THEMIS: variants seen among roughly 807,000 people sequenced by gnomAD.
THEMIS encodes protein THEMIS.
In THEMIS, 37 loss-of-function variants were observed where a neutral mutation model predicts 52.6. The ratio of observed to expected loss-of-function variants is 0.70; its 90% confidence interval spans 0.54 to 0.93. The LOEUF is 0.93. Among genes scored for constraint, THEMIS ranks in the 40% least tolerant of loss-of-function variants. The pLI is 0.00. For missense variants in THEMIS, 808 were observed against 763.1 expected (o/e 1.06, Z -0.69); for synonymous variants, 292 against 272.7 (o/e 1.07, Z -0.70).
chr6:127,738,227 T>A (rs1248774770), intron 4 of THEMIS, among the ~76,000 whole-genome samples: 1 of 152,134 alleles, frequency 6.6e-6, no homozygotes, highest in African/African-American at 2.4e-5. Context: ...AGTAAAAAAA[T>A]ACTCATTACC....
intron 2 of THEMIS, among the ~76,000 whole-genome samples, chr6:127,831,631 G>A (rs1778700067): frequency 6.6e-6 from 1 of 151,994 alleles, no homozygotes; most frequent in South Asian, 2.1e-4. Flanking sequence ...TATTTTTGAA[G>A]TCATTTTTAC....
At chr6:127,810,274 T>A (rs1331827669) in intron 4 of THEMIS, among the ~76,000 whole-genome samples, 1 of 152,120 alleles carries the variant, frequency 6.6e-6, no homozygotes, top group Non-Finnish European at 1.5e-5. Context: ...TATCTTCACA[T>A]CCTGCAATTC....
At chr6:127,845,201 C>T (rs908670150) in intron 2 of THEMIS, among the ~76,000 whole-genome samples, 1 of 151,876 alleles carries the variant, frequency 6.6e-6, no homozygotes, top group Non-Finnish European at 1.5e-5. Context: ...GGTATCTTTC[C>T]TCAGTAGATT....
chr6:127,831,808 A>G (rs1778705444), intron 2 of THEMIS, among the ~76,000 whole-genome samples: 1 of 152,124 alleles, frequency 6.6e-6, no homozygotes, highest in Non-Finnish European at 1.5e-5. Flanking sequence ...TGACTAAAAT[A>G]AGGGAAAGAC....
chr6:127,907,100 G>A (rs1205248841), intron 1 of THEMIS, among the ~76,000 whole-genome samples: 5 of 151,786 alleles, frequency 3.3e-5, no homozygotes, highest in South Asian at 4.2e-4. Context: ...AAACAAAAAC[G>A]AAGAAATCTT....
At chr6:127,822,830 A>G (rs879399947) in intron 3 of THEMIS, among the ~76,000 whole-genome samples, 6 of 152,114 alleles carry the variant, frequency 3.9e-5, no homozygotes, top group Non-Finnish European at 5.9e-5. Flanking sequence ...TCTTAAGAGC[A>G]AAAACTGAGA....
intron 1 of THEMIS, among the ~76,000 whole-genome samples, chr6:127,916,166 A>T (rs916578963): frequency 1.3e-5 from 2 of 151,770 alleles, no homozygotes; most frequent in Non-Finnish European, 2.9e-5. Flanking sequence ...AGTTAGAAAA[A>T]GTTTAATTTT....
intron 4 of THEMIS, among the ~76,000 whole-genome samples, chr6:127,739,633 CCTT>C (rs946522491): frequency 2.0e-5 from 3 of 152,060 alleles, no homozygotes; most frequent in African/African-American, 7.2e-5. Context: ...GAGCGAGACT[CCTT>C]CTCGTAAAAA....
rs113255859 is a variant in THEMIS at position 127,709,641 on chromosome 6, T to C, written c.*344A>G. ...TGGCTTTTATCCTATTTCAGACTGG[T>C]TTTACTCAGAAACTGAAATACAGAA... is the stretch of plus-strand genomic sequence containing the variant. On this transcript the variant is annotated 3_prime_UTR_variant, in exon 6 of 6. Coordinates refer to ENST00000368248, the MANE Select transcript of THEMIS (RefSeq NM_001010923.3). The C allele has an allele frequency of 9.7e-4, 196 of 202,798 alleles. 3 individuals carry two copies. The highest frequency in any genetic ancestry group is 6.3e-3 in the East Asian group (56 of 8,824). The allele number at this position is 202,798 out of a possible 1,614,324, so 12.6% of individuals were successfully genotyped here.
At chr6:127,876,989 T>C (rs1780332845) in intron 1 of THEMIS, among the ~76,000 whole-genome samples, 2 of 152,208 alleles carry the variant, frequency 1.3e-5, no homozygotes, top group African/African-American at 2.4e-5. Context: ...GGTTTCTCAG[T>C]GCATATAAAA....
Position 127,829,492 on chromosome 6 carries a change from A to T in THEMIS, c.693T>A (p.Ile231=), listed in dbSNP as rs148648720. 1.8e-4 allele frequency: 284 copies of T among 1,605,114 alleles called. 1 individual carries two copies. The highest frequency in any genetic ancestry group is 1.1e-3 in the Admixed American group (65 of 58,892). The change falls in exon 3 of 6, where the codon ATT becomes ATA. Residue 231 remains isoleucine (I), a synonymous_variant. Coordinates refer to ENST00000368248, the MANE Select transcript of THEMIS (RefSeq NM_001010923.3). ...GTLILKPVYE[I]QGVMKFRKDI... ...GATACTCACATTTCATCACACCTTGAATTTCATAAACAGGCTTGAGAATCA... is the reference window on the plus strand; with the variant it reads ...GATACTCACATTTCATCACACCTTGTATTTCATAAACAGGCTTGAGAATCA...
chr6:127,829,591 T>C lies in THEMIS; in HGVS notation c.594A>G (p.Arg198=). ...TTGAAAAATCTGTAAGGTTTACAGT[T>C]CTTGTTCTGTTCTTAGGAATCTTCC... is the stretch of plus-strand genomic sequence containing the variant. ...VEWKIPKNRT[R]TVNLTDFSNK... Residue 198 remains arginine (R), a synonymous_variant, in exon 3 of 6, where the codon AGA becomes AGG. Transcript: ENST00000368248. 1 of 1,614,116 alleles carries C rather than the reference T, an allele frequency of 6.2e-7. No homozygotes were observed. The highest frequency in any genetic ancestry group is 8.5e-7 in the Non-Finnish European group (1 of 1,179,986).
rs1286981313 is a variant in THEMIS, at chr6:127,813,078, C to A, written c.1563G>T (p.Arg521Ser). 6.2e-7 allele frequency: 1 copy of A among 1,613,894 alleles called. No homozygotes were observed. The highest frequency in any genetic ancestry group is 8.5e-7 in the Non-Finnish European group (1 of 1,180,006). ...MTVQLVSNFS[R>S]DAEPFLVRTL... ...TCCTGACTAGAAATGGTTCTGCATC[C>A]CTAGAGAAATTACTAACTAACTGAA... The change falls in exon 4 of 6, where the codon AGG becomes AGT. Residue 521 changes from arginine (R) to serine (S), a missense_variant. Physicochemically the swap from Arg to Ser is moderately radical, Grantham distance 110. Transcript: ENST00000368248.
chr6:127,835,634 T>C (rs896838121), intron 2 of THEMIS, among the ~76,000 whole-genome samples: 1 of 152,122 alleles, frequency 6.6e-6, no homozygotes, highest in Non-Finnish European at 1.5e-5. Context: ...GAAAAATTGG[T>C]ACCTATGTAA....
Position 127,867,026 on chromosome 6 carries a change from T to C in THEMIS, c.92-11838A>G, listed in dbSNP as rs371364843. On this transcript the variant is annotated intron_variant, in intron 1 of 5. Transcript: ENST00000368248. ...GTAGCCAAGAAAGAAAAAAGTTTTC[T>C]GTGCTATAGAAAAGGAGATGTAGGT... Among the ~76,000 whole-genome samples, 4 of 151,646 alleles carry C rather than the reference T, an allele frequency of 2.6e-5. No individual in the cohort carries two copies. The East Asian group carries it at 7.7e-4, about 29-fold the overall frequency.
intron 1 of THEMIS, among the ~76,000 whole-genome samples, chr6:127,894,098 G>C (rs1345175464): frequency 1.3e-5 from 2 of 151,978 alleles, no homozygotes; most frequent in Non-Finnish European, 2.9e-5. Context: ...GAACCAGATA[G>C]ATGTACAACA....
chr6:127,788,068 C>A (rs1322889924), intron 4 of THEMIS, among the ~76,000 whole-genome samples: 1 of 152,138 alleles, frequency 6.6e-6, no homozygotes, highest in Non-Finnish European at 1.5e-5. Context: ...CATGGACTCA[C>A]AAACTATGAC....
chr6:127,834,898 A>C (rs1207246345), intron 2 of THEMIS, among the ~76,000 whole-genome samples: 1 of 152,232 alleles, frequency 6.6e-6, no homozygotes, highest in East Asian at 1.9e-4. Context: ...TATTGTAGTC[A>C]CAGCTTATTA....
intron 4 of THEMIS, among the ~76,000 whole-genome samples, chr6:127,794,085 A>G (rs2114533735): frequency 6.6e-6 from 1 of 152,356 alleles, no homozygotes; most frequent in Middle Eastern, 3.4e-3. Flanking sequence ...TTATAAAATG[A>G]AGATTACTTA....
Sources: gnomAD v4.1 joint callset for allele counts (sites outside exome capture counted in the v4.1 genomes callset) on GRCh38, gnomAD v4.1.1 for gene constraint, MANE v1.5 for transcripts, NCBI Gene and HGNC (gene_info 2026-07-23, HGNC 2026-07-21) for gene names.